IGF1R: variants seen among roughly 807,000 people sequenced by gnomAD.
The protein encoded by IGF1R is insulin like growth factor 1 receptor.
A neutral mutation model predicts 144.6 loss-of-function variants in IGF1R; 44 were observed. That is an observed-to-expected ratio of 0.30 (90% CI 0.24 to 0.39). The LOEUF (loss-of-function observed/expected upper bound fraction) is 0.39, where lower values mean the gene tolerates loss of function less well. Among genes scored for constraint, IGF1R ranks in the 10% least tolerant of loss-of-function variants. The pLI, the probability that IGF1R is intolerant of heterozygous loss-of-function variation, is 1.00. For missense variants in IGF1R, 1,355 were observed against 1,833.7 expected (o/e 0.74, Z 4.77); for synonymous variants, 795 against 722.8 (o/e 1.10, Z -1.60).
intron 6 of IGF1R, among the ~76,000 whole-genome samples, chr15:98,909,274 T>A (rs2014892404): frequency 7.0e-6 from 1 of 142,704 alleles, no homozygotes; most frequent in Non-Finnish European, 1.5e-5. Flanking sequence ...TTTTTTTTTT[T>A]TTTTTGAGAT....
chr15:98,888,800 AAG>A, intron 2 of IGF1R, among the ~76,000 whole-genome samples: 2 of 152,310 alleles, frequency 1.3e-5, no homozygotes, highest in South Asian at 4.1e-4. Context: ...AACAAGATAA[AAG>A]TGTATGTCTC....
chr15:98,924,476 AT>A (rs1386584144), intron 12 of IGF1R, 48 bp from the exon 13 acceptor site: 1 of 1,598,046 alleles, frequency 6.3e-7, no homozygotes, highest in African/African-American at 1.3e-5. Context: ...CAGGCCCCAG[AT>A]TTCTCCTGCA....
chr15:98,826,976 T>C (rs1035996655), intron 2 of IGF1R, among the ~76,000 whole-genome samples: 2 of 152,226 alleles, frequency 1.3e-5, no homozygotes, highest in Non-Finnish European at 2.9e-5. Flanking sequence ...ACTCTTTTCA[T>C]ATCCCACTAA....
intron 2 of IGF1R, among the ~76,000 whole-genome samples, chr15:98,787,867 C>T (rs1335354260): frequency 2.0e-5 from 3 of 152,026 alleles, no homozygotes; most frequent in Admixed American, 6.6e-5. Flanking sequence ...TGTTCCTGTG[C>T]CTGGAGGCCC....
chr15:98,863,899 C>T (rs1894281367), intron 2 of IGF1R, among the ~76,000 whole-genome samples: 1 of 152,174 alleles, frequency 6.6e-6, no homozygotes, highest in African/African-American at 2.4e-5. Flanking sequence ...TATCATGTGA[C>T]ATTTTATTTC....
chr15:98,867,779 T>C (rs1459206409), intron 2 of IGF1R, among the ~76,000 whole-genome samples: 3 of 152,240 alleles, frequency 2.0e-5, no homozygotes, highest in Non-Finnish European at 4.4e-5. Context: ...GATTAAACAC[T>C]ATGTTTGATG....
intron 8 of IGF1R, 55 bp downstream of exon 8, chr15:98,913,337 C>T (rs2015107364): frequency 2.2e-6 from 3 of 1,356,758 alleles, no homozygotes; most frequent in Non-Finnish European, 3.2e-6. Flanking sequence ...AGCTCACTGG[C>T]CTTGCTTGTA....
At position 98,688,413 on chromosome 15, in the gene IGF1R, CCT is replaced by C. The variant is rs10660049; in HGVS notation, c.95-19148_95-19147del. ...TCTTCGACTCACCACACAACACACA[CCT>C]GTGTGTGTGTGTGTGTGTGTGTGTG... is the stretch of plus-strand genomic sequence containing the variant. On this transcript the variant is annotated intron_variant, in intron 1 of 20. Coordinates refer to ENST00000650285, the MANE Select transcript of IGF1R (RefSeq NM_000875.5). 9.2e-4 allele frequency among the ~76,000 whole-genome samples: 97 copies of C among 105,850 alleles called. 1 individual carries two copies. The East Asian group carries it at 0.023, about 25-fold the overall frequency. 69.4% of individuals were successfully genotyped at this position (105,850 alleles called of 152,430 possible). A position where few individuals can be genotyped will look rare whatever the true frequency, so the allele number is the denominator to read the frequency against.
At chr15:98,812,558 A>G (rs970848846) in intron 2 of IGF1R, among the ~76,000 whole-genome samples, 11 of 151,974 alleles carry the variant, frequency 7.2e-5, no homozygotes, top group Non-Finnish European at 1.5e-4. Flanking sequence ...GGGTTTTGCC[A>G]TATTGGCCAG....
intron 2 of IGF1R, chr15:98,824,091 A>C (rs1238410657): frequency 6.6e-6 from 1 of 152,214 alleles, no homozygotes; most frequent in Non-Finnish European, 1.5e-5. Context: ...GGAGGGTAAC[A>C]TGGAAGTATT....
intron 2 of IGF1R, among the ~76,000 whole-genome samples, chr15:98,752,678 C>T (rs1223605593): frequency 1.8e-4 from 20 of 108,644 alleles, no homozygotes; most frequent in Admixed American, 1.8e-3. Context: ...AGCGAGACTC[C>T]GTCTCAAAGA....
At chr15:98,767,064 T>C (rs1256550242) in intron 2 of IGF1R, among the ~76,000 whole-genome samples, 1 of 152,216 alleles carries the variant, frequency 6.6e-6, no homozygotes, top group East Asian at 1.9e-4. Context: ...TCTGAACTTT[T>C]AGAAATCCAG....
chr15:98,896,025 C>T (rs1258700624), intron 3 of IGF1R, among the ~76,000 whole-genome samples: 1 of 151,986 alleles, frequency 6.6e-6, no homozygotes, highest in Non-Finnish European at 1.5e-5. Flanking sequence ...GCCAGTCTTA[C>T]TTGTCCCTGA....
chr15:98,677,589 G>A (rs2053080574), intron 1 of IGF1R, among the ~76,000 whole-genome samples: 1 of 152,188 alleles, frequency 6.6e-6, no homozygotes, highest in South Asian at 2.1e-4. Flanking sequence ...CTGCTGTGAG[G>A]TGCTCAAAGA....
At chr15:98,938,604 G>A (rs1464337345) in intron 17 of IGF1R, among the ~76,000 whole-genome samples, 1 of 152,148 alleles carries the variant, frequency 6.6e-6, no homozygotes, top group Non-Finnish European at 1.5e-5. Flanking sequence ...CTTGTCTTCC[G>A]TAATGCCGAC....
At chr15:98,845,913 A>T (rs2011311201) in intron 2 of IGF1R, among the ~76,000 whole-genome samples, 1 of 152,206 alleles carries the variant, frequency 6.6e-6, no homozygotes, top group Admixed American at 6.5e-5. Context: ...ACAAAATAAA[A>T]GGTTCGAGAT....
At chr15:98,779,953 T>C (rs1419906705) in intron 2 of IGF1R, among the ~76,000 whole-genome samples, 2 of 152,284 alleles carry the variant, frequency 1.3e-5, no homozygotes, top group East Asian at 1.9e-4. Context: ...GCTGTGACCA[T>C]TGAAGACATT....
chr15:98,957,736 C>T lies in IGF1R; in HGVS notation c.*294C>T. ...AACAGAGCACTTGAGAACCAGTCTC[C>T]TCACTCTGTCCCTGTCCTTCCCTGT... On this transcript the variant is annotated 3_prime_UTR_variant, in exon 21 of 21. Coordinates refer to ENST00000650285, the MANE Select transcript of IGF1R (RefSeq NM_000875.5). 2 of 500,812 alleles carry T rather than the reference C, an allele frequency of 4.0e-6. No homozygotes were observed. The highest frequency in any genetic ancestry group is 2.4e-5 in the South Asian group (1 of 41,610). The allele number at this position is 500,812 out of a possible 1,614,324, so 31.0% of individuals were successfully genotyped here. A position where few individuals can be genotyped will look rare whatever the true frequency, so the allele number is the denominator to read the frequency against.
chr15:98,820,528 C>T (rs1431120981), intron 2 of IGF1R, among the ~76,000 whole-genome samples: 1 of 152,130 alleles, frequency 6.6e-6, no homozygotes, highest in African/African-American at 2.4e-5. Flanking sequence ...GTGGGCAAGG[C>T]AGTTTTTCAT....
Sources: gnomAD v4.1 joint callset for allele counts (sites outside exome capture counted in the v4.1 genomes callset) on GRCh38, gnomAD v4.1.1 for gene constraint, MANE v1.5 for transcripts, NCBI Gene and HGNC (gene_info 2026-07-23, HGNC 2026-07-21) for gene names.